Variants in CAMSAP1 observed in about 807,000 individuals in gnomAD.
CAMSAP1 encodes the protein calmodulin-regulated spectrin-associated protein 1.
A neutral mutation model predicts 143.5 loss-of-function variants in CAMSAP1; 58 were observed. The ratio of observed to expected loss-of-function variants is 0.40; its 90% CI spans 0.33 to 0.50. CAMSAP1 has a LOEUF of 0.50. Ranked by LOEUF, CAMSAP1 falls within the 20% of genes least tolerant of loss-of-function variation. The pLI is 0.45. For missense variants in CAMSAP1, 1,969 were observed against 2,115.7 expected (o/e 0.93, Z 1.36); for synonymous variants, 945 against 859.3 (o/e 1.10, Z -1.74).
intron 1 of CAMSAP1, among the ~76,000 whole-genome samples, chr9:135,897,202 T>G (rs1437076126): frequency 1.3e-5 from 2 of 152,186 alleles, no homozygotes; most frequent in South Asian, 2.1e-4. Flanking sequence ...TTGCCCAGGC[T>G]GGAGTGCAGT....
chr9:135,870,157 T>G (rs1157678600), intron 3 of CAMSAP1, among the ~76,000 whole-genome samples: 1 of 152,146 alleles, frequency 6.6e-6, no homozygotes, highest in Admixed American at 6.5e-5. Flanking sequence ...TATCTCAAAC[T>G]CTAATCCCCA....
intron 11 of CAMSAP1, 88 bp from the exon 12 acceptor site, chr9:135,819,234 A>G: frequency 6.9e-7 from 1 of 1,457,750 alleles, no homozygotes; most frequent in Non-Finnish European, 9.1e-7. Flanking sequence ...GACTTCCACT[A>G]CGCTTTTAAA....
chr9:135,885,188 C>T (rs1411294121), intron 1 of CAMSAP1, among the ~76,000 whole-genome samples: 3 of 152,154 alleles, frequency 2.0e-5, no homozygotes, highest in Non-Finnish European at 4.4e-5. Flanking sequence ...TTGGAAGGGG[C>T]ACTTCCTATC....
At chr9:135,858,997 C>A (rs1037098414) in intron 5 of CAMSAP1, among the ~76,000 whole-genome samples, 3 of 152,180 alleles carry the variant, frequency 2.0e-5, no homozygotes, top group Non-Finnish European at 2.9e-5. Context: ...CTGGAAACAC[C>A]CTCAGAGACA....
chr9:135,839,016 A>G (rs1407685898), intron 7 of CAMSAP1, among the ~76,000 whole-genome samples: 1 of 151,738 alleles, frequency 6.6e-6, no homozygotes, highest in African/African-American at 2.4e-5. Flanking sequence ...ATAGACACAC[A>G]TTGTTACGCA....
chr9:135,823,701 T>C (rs529172993), intron 10 of CAMSAP1, among the ~76,000 whole-genome samples: 1 of 152,302 alleles, frequency 6.6e-6, no homozygotes, highest in Admixed American at 6.5e-5. Flanking sequence ...GGCTGGACCC[T>C]CATACCTGAC....
chr9:135,809,591 T>G lies in CAMSAP1; in HGVS notation c.*1718A>C, dbSNP rs1003840298. 2 of 152,654 alleles carry G rather than the reference T, an allele frequency of 1.3e-5. No homozygotes were observed. The highest frequency in any genetic ancestry group is 2.9e-5 in the Non-Finnish European group (2 of 68,046). 9.5% of individuals were successfully genotyped at this position (152,654 alleles called of 1,614,324 possible). A position where few individuals can be genotyped will look rare whatever the true frequency, so the allele number is the denominator to read the frequency against. Reference sequence around the variant, plus strand: ...ACATACGATTCAATGTAAAGCAAATTAGTTCATCACTTTATTACATCTTAG... The same window carrying G: ...ACATACGATTCAATGTAAAGCAAATGAGTTCATCACTTTATTACATCTTAG... On this transcript the variant is annotated 3_prime_UTR_variant, in exon 17 of 17. Coordinates refer to ENST00000389532, the MANE Select transcript of CAMSAP1 (RefSeq NM_015447.4).
intron 7 of CAMSAP1, among the ~76,000 whole-genome samples, chr9:135,830,623 A>T (rs1835827576): frequency 6.6e-6 from 1 of 152,264 alleles, no homozygotes; most frequent in South Asian, 2.1e-4. Context: ...TGGATAGAAT[A>T]TCCAGACAGG....
chr9:135,897,004 C>A (rs1416721001), intron 1 of CAMSAP1, among the ~76,000 whole-genome samples: 1 of 152,178 alleles, frequency 6.6e-6, no homozygotes, highest in East Asian at 1.9e-4. Flanking sequence ...GACTTCTTAG[C>A]CTCCAGAACC....
At chr9:135,875,708 A>G (rs760194115) in intron 3 of CAMSAP1, among the ~76,000 whole-genome samples, 1 of 152,208 alleles carries the variant, frequency 6.6e-6, no homozygotes, top group Non-Finnish European at 1.5e-5. Context: ...TCTTCCATAA[A>G]TGGTTTCAGA....
chr9:135,824,914 CCTTT>C lies in CAMSAP1; in HGVS notation c.1224-38_1224-35del, dbSNP rs1564423882. 4 of 1,519,932 alleles carry C rather than the reference CCTTT, an allele frequency of 2.6e-6. No homozygotes were observed. Among genetic ancestry groups the C allele is most frequent in the Non-Finnish European group, 1.8e-6 (2 of 1,118,470 alleles). The allele number at this position is 1,519,932 out of a possible 1,614,324, so 94.2% of individuals were successfully genotyped here. A position where few individuals can be genotyped will look rare whatever the true frequency, so the allele number is the denominator to read the frequency against. ...AAAAAGAATTACAGGGAAAATCATT[CCTTT>C]ATCAAACTTCAAGGTCAACAGCAAA... On this transcript the variant is annotated intron_variant, in intron 8 of 16. Coordinates refer to ENST00000389532, the MANE Select transcript of CAMSAP1 (RefSeq NM_015447.4). The surrounding 1 kb of genome is among the most constrained non-coding windows in gnomAD (Gnocchi z 4.1).
chr9:135,906,892 C>G (rs1838798570), intron 1 of CAMSAP1, 108 bp downstream of exon 1: 2 of 652,676 alleles, frequency 3.1e-6, no homozygotes, highest in Admixed American at 6.3e-5. Context: ...TGTGCGGACG[C>G]GGCACAAAGG....
intron 7 of CAMSAP1, among the ~76,000 whole-genome samples, chr9:135,837,830 C>G (rs533469901): frequency 6.6e-6 from 1 of 152,008 alleles, no homozygotes; most frequent in Admixed American, 6.5e-5. Context: ...TGTACAGACA[C>G]ACGTCATCAC....
intron 14 of CAMSAP1, 54 bp from the exon 15 acceptor site, chr9:135,816,059 C>T (rs1407904880): frequency 3.2e-6 from 5 of 1,540,708 alleles, no homozygotes; most frequent in Non-Finnish European, 4.5e-6. Context: ...CTTCCTCTCA[C>T]CACTGCTGGC....
intron 1 of CAMSAP1, among the ~76,000 whole-genome samples, chr9:135,892,923 C>G (rs957858715): frequency 2.7e-5 from 4 of 147,414 alleles, no homozygotes; most frequent in Non-Finnish European, 5.9e-5. Flanking sequence ...AATCTCAACA[C>G]TTTGAGAGGC....
rs1835298978 is a variant in CAMSAP1 at position 135,818,039 on chromosome 9, G to C, written c.4209C>G (p.Ser1403=). 1 of 1,613,788 alleles carries C rather than the reference G, an allele frequency of 6.2e-7. No individual in the cohort carries two copies. The highest frequency in any genetic ancestry group is 1.3e-5 in the African/African-American group (1 of 74,940). ...GTTCTGTCGTCGCCGCAGAGGCCAA[G>C]GACAGGCTGGAGCCTGACTGAGTCC... is the stretch of plus-strand genomic sequence containing the variant. ...LSRTQSGSSL[S]LASAATTEPE... The change falls in exon 14 of 17, where the codon TCC becomes TCG. Residue 1403 remains serine (S), a synonymous_variant. Coordinates refer to ENST00000389532, the MANE Select transcript of CAMSAP1 (RefSeq NM_015447.4). This position sits in a 1 kb window ranked among gnomAD's most constrained non-coding sequence, Gnocchi z 7.7.
chr9:135,822,042 G>C lies in CAMSAP1; in HGVS notation c.2619C>G (p.Leu873=). 6.2e-7 allele frequency: 1 copy of C among 1,612,612 alleles called. No homozygotes were observed. The highest frequency in any genetic ancestry group is 8.5e-7 in the Non-Finnish European group (1 of 1,179,454). Residue 873 remains leucine, a synonymous_variant, in exon 11 of 17, where the codon CTC becomes CTG. Transcript: ENST00000389532. This position sits in a 1 kb window ranked among gnomAD's most constrained non-coding sequence, Gnocchi z 6.1. ...GCAGCTGTACCAGCTCAGATGCCAG[G>C]AGGCTGGCGGGATCCTTGCCATGCT... ...PSQHGKDPAS[L]LASELVQLHM...
At chr9:135,899,794 C>G (rs144707795) in intron 1 of CAMSAP1, among the ~76,000 whole-genome samples, 1 of 152,264 alleles carries the variant, frequency 6.6e-6, no homozygotes, top group Non-Finnish European at 1.5e-5. Flanking sequence ...TTCTCACACA[C>G]CTAGACTACA....
intron 3 of CAMSAP1, among the ~76,000 whole-genome samples, chr9:135,872,500 C>T (rs1409115957): frequency 6.6e-6 from 1 of 152,048 alleles, no homozygotes; most frequent in African/African-American, 2.4e-5. Flanking sequence ...AGAAACAGAC[C>T]AGATGGTAAA....
Sources: gnomAD v4.1 joint callset for allele counts (sites outside exome capture counted in the v4.1 genomes callset) on GRCh38, gnomAD v4.1.1 for gene constraint, Gnocchi (gnomAD v3.1) non-coding constraint, MANE v1.5 for transcripts, NCBI Gene and HGNC (gene_info 2026-07-23, HGNC 2026-07-21) for gene names.